The following MTDH variants were observed in gnomAD, a reference collection of about 807,000 sequenced individuals.
MTDH encodes the protein protein LYRIC.
In MTDH, 34 loss-of-function variants were observed where a neutral mutation model predicts 72.7. The observed-to-expected ratio is 0.47, with a 90% CI of 0.36 to 0.62. MTDH has a LOEUF of 0.62. Among genes scored for constraint, MTDH ranks in the 20% least tolerant of loss-of-function variants. MTDH has a pLI of 0.00. For synonymous variants in MTDH, 266 were observed against 268.9 expected, an observed-to-expected ratio of 0.99 and a Z score of 0.10; for missense variants, 677 against 699.4, an observed-to-expected ratio of 0.97 and a Z score of 0.36.
chr8:97,678,103 A>G (rs1295935753), intron 2 of MTDH, among the ~76,000 whole-genome samples: 4 of 152,238 alleles, frequency 2.6e-5, no homozygotes, highest in Admixed American at 2.0e-4. Flanking sequence ...TGTTTCTAAC[A>G]TTAAAGCTTG....
At chr8:97,657,412 A>G (rs945257941) in intron 1 of MTDH, among the ~76,000 whole-genome samples, 1 of 152,232 alleles carries the variant, frequency 6.6e-6, no homozygotes, top group African/African-American at 2.4e-5. Context: ...ACTGGGGTAC[A>G]ATGAGAGGCC....
At chr8:97,722,469 G>A (rs953600639) in intron 10 of MTDH, among the ~76,000 whole-genome samples, 2 of 152,070 alleles carry the variant, frequency 1.3e-5, no homozygotes, top group Non-Finnish European at 2.9e-5. Context: ...GGGCGTGGTG[G>A]CACACGCCTG....
chr8:97,659,658 T>G (rs1812106191), intron 1 of MTDH, among the ~76,000 whole-genome samples: 1 of 152,210 alleles, frequency 6.6e-6, no homozygotes, highest in Non-Finnish European at 1.5e-5. Flanking sequence ...CTGTAATGAC[T>G]AGGTAGCTGA....
chr8:97,664,396 A>C (rs1812297221), intron 2 of MTDH, among the ~76,000 whole-genome samples: 1 of 151,868 alleles, frequency 6.6e-6, no homozygotes, highest in Non-Finnish European at 1.5e-5. Flanking sequence ...CTAGGATGTG[A>C]ACGCAGCTTA....
intron 11 of MTDH, among the ~76,000 whole-genome samples, chr8:97,723,570 C>G (rs1216764924): frequency 6.7e-6 from 1 of 150,350 alleles, no homozygotes; most frequent in East Asian, 2.0e-4. Flanking sequence ...GGTGAAACCC[C>G]GTCTCTACTA....
intron 1 of MTDH, among the ~76,000 whole-genome samples, chr8:97,651,275 C>T (rs1811763363): frequency 6.6e-6 from 1 of 152,166 alleles, no homozygotes; most frequent in Non-Finnish European, 1.5e-5. Context: ...ATTGAACTCA[C>T]GGCCAATAGC....
chr8:97,671,559 C>T (rs1351283188), intron 2 of MTDH, among the ~76,000 whole-genome samples: 2 of 151,770 alleles, frequency 1.3e-5, no homozygotes, highest in African/African-American at 4.8e-5. Context: ...ATAGATATAA[C>T]CCACATAAAC....
intron 6 of MTDH, 123 bp downstream of exon 6, chr8:97,691,311 G>C (rs1048506443): frequency 4.6e-6 from 3 of 659,316 alleles, no homozygotes; most frequent in African/African-American, 3.6e-5. Context: ...AGAAATAATA[G>C]TAATAATTAA....
chr8:97,696,188 T>C, intron 6 of MTDH: 1 of 970,616 alleles, frequency 1.0e-6, no homozygotes, highest in Non-Finnish European at 1.2e-6. Context: ...CCAAGTGATG[T>C]TTTTTATTTT....
At chr8:97,722,376 C>T (rs1346287730) in intron 10 of MTDH, among the ~76,000 whole-genome samples, 3 of 152,028 alleles carry the variant, frequency 2.0e-5, no homozygotes, top group African/African-American at 7.2e-5. Flanking sequence ...CTGAGGCAGG[C>T]GGATCACGAA....
At chr8:97,687,290 T>C (rs1813405316) in intron 3 of MTDH, 139 bp from the exon 4 acceptor site, 2 of 589,048 alleles carry the variant, frequency 3.4e-6, no homozygotes, top group Non-Finnish European at 5.4e-6. Context: ...TGAGTTAATA[T>C]AATCAACACT....
Position 97,724,795 on chromosome 8 carries a change from C to G in MTDH, c.*125C>G. ...ATTTAAACCAATTTTTAAAACAAAA[C>G]TGCGGACACCACCATAAAAATGGAA... On this transcript the variant is annotated 3_prime_UTR_variant, in exon 12 of 12. Coordinates refer to ENST00000336273, the MANE Select transcript of MTDH (RefSeq NM_178812.4). The G allele has an allele frequency of 1.7e-6, 1 of 599,620 alleles. No individual in the cohort carries two copies. Among genetic ancestry groups the G allele is most frequent in the Non-Finnish European group, 2.7e-6 (1 of 367,818 alleles). The allele number at this position is 599,620 out of a possible 1,614,324, so 37.1% of individuals were successfully genotyped here. A position where few individuals can be genotyped will look rare whatever the true frequency, so the allele number is the denominator to read the frequency against.
intron 2 of MTDH, among the ~76,000 whole-genome samples, chr8:97,672,231 G>A (rs889286206): frequency 1.2e-4 from 18 of 152,154 alleles, no homozygotes; most frequent in African/African-American, 4.1e-4. Context: ...CAGTGGAGTT[G>A]GATAGTTTCA....
intron 6 of MTDH, 90 bp from the exon 7 acceptor site, chr8:97,699,664 A>C: frequency 1.3e-6 from 1 of 768,162 alleles, no homozygotes; most frequent in East Asian, 2.7e-5. Context: ...TTTAAAAATA[A>C]AGTCTCCGTG....
intron 1 of MTDH, among the ~76,000 whole-genome samples, chr8:97,656,848 A>G (rs1245055929): frequency 6.6e-6 from 1 of 151,832 alleles, no homozygotes; most frequent in Middle Eastern, 3.2e-3. Flanking sequence ...AAAAATACAA[A>G]AATTAGCCAG....
intron 2 of MTDH, among the ~76,000 whole-genome samples, chr8:97,683,738 G>T (rs1370136519): frequency 6.6e-6 from 1 of 152,024 alleles, no homozygotes; most frequent in Non-Finnish European, 1.5e-5. Context: ...TGTAAAATGG[G>T]GATACCTACT....
At chr8:97,697,381 GTT>G (rs755015450) in intron 6 of MTDH, among the ~76,000 whole-genome samples, 170 of 80,180 alleles carry the variant, frequency 2.1e-3, no homozygotes, top group South Asian at 9.0e-3. Context: ...TATTATTTCG[GTT>G]TTTTTTTTTT....
intron 2 of MTDH, among the ~76,000 whole-genome samples, chr8:97,675,043 C>G (rs1195409820): frequency 6.6e-6 from 1 of 152,084 alleles, no homozygotes; most frequent in Non-Finnish European, 1.5e-5. Flanking sequence ...CTCCTGGGCT[C>G]AAGTGATCCA....
rs182515718 is a variant in MTDH at position 97,722,516 on chromosome 8, C to G, written c.1522-363C>G. On this transcript the variant is annotated intron_variant, in intron 10 of 11. Coordinates refer to ENST00000336273, the MANE Select transcript of MTDH (RefSeq NM_178812.4). ...ACTCAGGAGGCTGAGGCAGGAGAAT[C>G]GTTTGAACCCGGGAGGCGGAGGTTG... Among the ~76,000 whole-genome samples, 7 of 152,202 alleles carry G rather than the reference C, an allele frequency of 4.6e-5. No individual in the cohort carries two copies. In the East Asian group the frequency reaches 1.4e-3, roughly 29 times the overall value.
Sources: allele counts gnomAD v4.1 joint callset (sites outside exome capture counted in the v4.1 genomes callset), GRCh38; gene constraint gnomAD v4.1.1; transcripts MANE v1.5; gene names NCBI Gene and HGNC (gene_info 2026-07-23, HGNC 2026-07-21).